The following N4BP2 variants were observed in gnomAD, a reference collection of about 807,000 sequenced individuals.
N4BP2 encodes NEDD4-binding protein 2.
In N4BP2, 91 loss-of-function variants were observed where a neutral mutation model predicts 152.8. The observed-to-expected ratio is 0.60, with a 90% confidence interval of 0.50 to 0.71. N4BP2 has a LOEUF of 0.71. Among genes scored for constraint, N4BP2 ranks in the 30% least tolerant of loss-of-function variants. The probability of loss-of-function intolerance (pLI) is 0.00; values close to 1 mark genes in which losing one functional copy is unlikely to be tolerated. For synonymous variants in N4BP2, 646 were observed against 705.3 expected (o/e 0.92, Z 1.33); for missense variants, 1,923 against 2,059.1 (o/e 0.93, Z 1.28).
At chr4:40,129,167 G>A (rs1364960086) in intron 12 of N4BP2, among the ~76,000 whole-genome samples, 2 of 151,956 alleles carry the variant, frequency 1.3e-5, no homozygotes, top group East Asian at 1.9e-4. Flanking sequence ...TCCCACTTCA[G>A]CCTCCCAAGT....
At chr4:40,087,116 T>C (rs536192190) in intron 2 of N4BP2, among the ~76,000 whole-genome samples, 1 of 152,310 alleles carries the variant, frequency 6.6e-6, no homozygotes, top group South Asian at 2.1e-4. Context: ...TTGTGTTTTG[T>C]GGCTATTGGG....
chr4:40,127,834 G>A (rs999946118), intron 12 of N4BP2, among the ~76,000 whole-genome samples: 9 of 151,942 alleles, frequency 5.9e-5, no homozygotes, highest in African/African-American at 1.9e-4. Flanking sequence ...CTAATTTTTT[G>A]TATTTTTTAG....
At chr4:40,126,571 C>A (rs886731717) in intron 12 of N4BP2, among the ~76,000 whole-genome samples, 1 of 152,082 alleles carries the variant, frequency 6.6e-6, no homozygotes, top group East Asian at 1.9e-4. Flanking sequence ...TTAGATTTAA[C>A]TGTATAGGTG....
At chr4:40,082,350 C>A (rs1332578794) in intron 2 of N4BP2, among the ~76,000 whole-genome samples, 1 of 150,688 alleles carries the variant, frequency 6.6e-6, no homozygotes, top group African/African-American at 2.4e-5. Flanking sequence ...TTATGTCAAT[C>A]TAAAGAGGTG....
At chr4:40,119,215 G>C (rs1230544691) in intron 8 of N4BP2, among the ~76,000 whole-genome samples, 2 of 152,220 alleles carry the variant, frequency 1.3e-5, no homozygotes, top group South Asian at 4.1e-4. Flanking sequence ...ACTTAAAGTA[G>C]CATCATCTAA....
downstream of N4BP2, among the ~76,000 whole-genome samples, chr4:40,158,791 A>C (rs563962063): frequency 3.1e-4 from 47 of 152,260 alleles, no homozygotes; most frequent in Admixed American, 2.0e-3. Flanking sequence ...AGAATCTCTT[A>C]GAGACTCAAG....
chr4:40,069,729 G>A (rs561330497), intron 1 of N4BP2, among the ~76,000 whole-genome samples: 7 of 152,220 alleles, frequency 4.6e-5, no homozygotes, highest in South Asian at 2.1e-4. Context: ...GCAGCAAAGC[G>A]AGACCCTGTC....
chr4:40,189,270 C>A, the N4BP2 span, among the ~76,000 whole-genome samples: 1 of 152,056 alleles, frequency 6.6e-6, no homozygotes, highest in Non-Finnish European at 1.5e-5. The surrounding 1 kb of genome is among the most constrained non-coding windows in gnomAD (Gnocchi z 4.3). Flanking sequence ...CTCCTACAAC[C>A]CTACAACCCT....
At chr4:40,159,957 T>C (rs1261938578), downstream of N4BP2, among the ~76,000 whole-genome samples, 1 of 152,014 alleles carries the variant, frequency 6.6e-6, no homozygotes, top group Non-Finnish European at 1.5e-5. Context: ...GTAGCTGTGA[T>C]TACAGGCACC....
In N4BP2 at chr4:40,120,772, A is replaced by G; in HGVS notation, c.2661A>G (p.Ser887=). ...TCAACATTATGGGTGACTGGCCTTCATCTGATTCTTTAGCTCAGAGGGAAC... is the reference window on the plus strand; with the variant it reads ...TCAACATTATGGGTGACTGGCCTTCGTCTGATTCTTTAGCTCAGAGGGAAC... ...NSFNIMGDWP[S]SDSLAQREHR... The change falls in exon 9 of 18, where the codon TCA becomes TCG. Residue 887 remains serine (S), a synonymous_variant. Coordinates refer to ENST00000261435, the MANE Select transcript of N4BP2 (RefSeq NM_018177.6). The G allele has an allele frequency of 6.2e-7, 1 of 1,614,196 alleles. No homozygotes were observed. The highest frequency in any genetic ancestry group is 8.5e-7 in the Non-Finnish European group (1 of 1,180,018).
At chr4:40,118,634 G>A (rs942636932) in intron 8 of N4BP2, among the ~76,000 whole-genome samples, 4 of 152,188 alleles carry the variant, frequency 2.6e-5, no homozygotes, top group African/African-American at 4.8e-5. Flanking sequence ...CTTGACGCTC[G>A]CTGCTAATCC....
At chr4:40,131,074 A>G (rs1286614429) in intron 12 of N4BP2, among the ~76,000 whole-genome samples, 5 of 152,144 alleles carry the variant, frequency 3.3e-5, no homozygotes, top group African/African-American at 1.2e-4. Context: ...ATTTCTGTCA[A>G]TCTGAATTTG....
chr4:40,102,178 A>T lies in N4BP2; in HGVS notation c.333A>T (p.Ala111=), dbSNP rs761470953. 13 of 1,613,850 alleles carry T rather than the reference A, an allele frequency of 8.1e-6. No homozygotes were observed. Among genetic ancestry groups the T allele is most frequent in the Non-Finnish European group, 1.1e-5 (13 of 1,179,922 alleles). The change falls in exon 4 of 18, where the codon GCA becomes GCT. Residue 111 remains alanine (A), a synonymous_variant. Transcript: ENST00000261435. The part of the protein sequence containing the change: ...SFVASENQVG[A]AESKIMEKRP... Reference sequence around the variant, plus strand: ...TTGCTTCTGAGAACCAAGTAGGTGCAGCAGAAAGTAAAATAATGGAAAAAC... The same window carrying T: ...TTGCTTCTGAGAACCAAGTAGGTGCTGCAGAAAGTAAAATAATGGAAAAAC...
At chr4:40,076,785 G>A (rs1712784528) in intron 2 of N4BP2, among the ~76,000 whole-genome samples, 1 of 152,122 alleles carries the variant, frequency 6.6e-6, no homozygotes, top group Admixed American at 6.5e-5. Flanking sequence ...ACCACACCCG[G>A]CCCAAAAATA....
intron 13 of N4BP2, among the ~76,000 whole-genome samples, chr4:40,132,419 G>T (rs949226763): frequency 6.6e-6 from 1 of 151,874 alleles, no homozygotes; most frequent in African/African-American, 2.4e-5. Flanking sequence ...TATGTATGTG[G>T]TATGAGGTAG....
At chr4:40,125,100 C>G (rs749006510) in intron 11 of N4BP2, among the ~76,000 whole-genome samples, 3 of 152,192 alleles carry the variant, frequency 2.0e-5, no homozygotes, top group South Asian at 2.1e-4. Flanking sequence ...GGGACCAAGG[C>G]AAGGAGTTTC....
chr4:40,070,773 A>T (rs1428885175), intron 1 of N4BP2, among the ~76,000 whole-genome samples: 1 of 151,648 alleles, frequency 6.6e-6, no homozygotes, highest in African/African-American at 2.4e-5. Flanking sequence ...TACTATATTC[A>T]GATTTCCTGA....
At chr4:40,095,578 T>TG (rs1715035872) in intron 2 of N4BP2, among the ~76,000 whole-genome samples, 1 of 152,176 alleles carries the variant, frequency 6.6e-6, no homozygotes, top group African/African-American at 2.4e-5. Context: ...TTCTGGAAGG[T>TG]GGAGAGAGCT....
At chr4:40,083,980 A>T (rs1713664660) in intron 2 of N4BP2, among the ~76,000 whole-genome samples, 1 of 152,190 alleles carries the variant, frequency 6.6e-6, no homozygotes, top group African/African-American at 2.4e-5. Context: ...ATTCATTCAG[A>T]CGGGGTCTCA....
Sources: allele counts gnomAD v4.1 joint callset (sites outside exome capture counted in the v4.1 genomes callset), GRCh38; gene constraint gnomAD v4.1.1; non-coding constraint Gnocchi (gnomAD v3.1); transcripts MANE v1.5; gene names NCBI Gene and HGNC (gene_info 2026-07-23, HGNC 2026-07-21).